The following B3GALT1 variants were observed in gnomAD, a reference collection of about 807,000 sequenced individuals.
B3GALT1 encodes the protein beta-1,3-galactosyltransferase 1.
Under a neutral mutation model 23.2 loss-of-function variants are expected in B3GALT1, and 10 were observed. That is an observed-to-expected ratio of 0.43 (90% CI 0.27 to 0.73). The LOEUF (loss-of-function observed/expected upper bound fraction) is 0.73. B3GALT1 is among the 30% of genes least tolerant of loss of function. B3GALT1 has a pLI of 0.21. For synonymous variants in B3GALT1, 156 were observed against 141.5 expected, an observed-to-expected ratio of 1.10 and a Z score of -0.73; for missense variants, 299 against 405.4, an observed-to-expected ratio of 0.74 and a Z score of 2.25.
intron 4 of B3GALT1, among the ~76,000 whole-genome samples, chr2:167,845,298 A>G (rs1467113608): frequency 6.6e-6 from 1 of 152,170 alleles, no homozygotes; most frequent in Non-Finnish European, 1.5e-5. Context: ...GCACAAAAAC[A>G]AAGCATTAAA....
At chr2:167,462,963 G>C (rs763635035) in intron 1 of B3GALT1, among the ~76,000 whole-genome samples, 2 of 152,064 alleles carry the variant, frequency 1.3e-5, no homozygotes, top group Non-Finnish European at 2.9e-5. Context: ...CTTTTCCTCA[G>C]AGTTTTTGAG....
chr2:167,312,609 T>C (rs192698084), intron 1 of B3GALT1, among the ~76,000 whole-genome samples: 2 of 152,220 alleles, frequency 1.3e-5, no homozygotes, highest in African/African-American at 4.8e-5. Flanking sequence ...ATTTTGATAA[T>C]GACATAAAAT....
chr2:167,449,150 G>C (rs1699049535), intron 1 of B3GALT1, among the ~76,000 whole-genome samples: 1 of 152,100 alleles, frequency 6.6e-6, no homozygotes, highest in African/African-American at 2.4e-5. Context: ...ATGGCATTTT[G>C]ATGGGAATTG....
At chr2:167,526,582 A>T (rs1683223526) in intron 2 of B3GALT1, among the ~76,000 whole-genome samples, 1 of 152,208 alleles carries the variant, frequency 6.6e-6, no homozygotes, top group Admixed American at 6.5e-5. Flanking sequence ...GTGTAGTGTT[A>T]TGTCATTGTG....
At position 167,690,690 on chromosome 2, in the gene B3GALT1, G is replaced by A. The variant is rs76863622; in HGVS notation, c.-352+43724G>A. On this transcript the variant is annotated intron_variant, in intron 3 of 4. Coordinates refer to ENST00000392690, the MANE Select transcript of B3GALT1 (RefSeq NM_020981.4). ...ACAAGAGCTGAAATAGTTTTATTGA[G>A]TGAAAGCTGCAATTGTGTTTCAAAG... Among the ~76,000 whole-genome samples, 1,511 of 152,206 alleles carry A rather than the reference G, an allele frequency of 9.9e-3. 28 individuals carry two copies. Among genetic ancestry groups the A allele is most frequent in the African/African-American group, 0.035 (1,444 of 41,552 alleles).
rs74752369 is a variant in B3GALT1, at chr2:167,723,895, T to C, written c.-352+76929T>C. The stretch of plus-strand genomic sequence containing the variant: ...ATCTCATTAGCCTAGTTTGCTGAGA[T>C]TGGCCTATAGTCATAAGTCTTTTTG... On this transcript the variant is annotated intron_variant, in intron 3 of 4. Coordinates refer to ENST00000392690, the MANE Select transcript of B3GALT1 (RefSeq NM_020981.4). 2.6e-3 allele frequency among the ~76,000 whole-genome samples: 397 copies of C among 152,318 alleles called. 3 individuals are homozygous for C. The highest frequency in any genetic ancestry group is 9.2e-3 in the African/African-American group (383 of 41,560).
intron 3 of B3GALT1, among the ~76,000 whole-genome samples, chr2:167,672,275 G>A (rs567738257): frequency 6.6e-6 from 1 of 152,162 alleles, no homozygotes; most frequent in Admixed American, 6.5e-5. Context: ...CATGGTGCCA[G>A]CTGCATACCA....
intron 3 of B3GALT1, chr2:167,715,423 T>A (rs1687127053): frequency 6.2e-7 from 1 of 1,610,746 alleles, no homozygotes; most frequent in African/African-American, 1.3e-5. Flanking sequence ...GTTGAGAATT[T>A]TCACTCAAAG....
chr2:167,791,606 C>T (rs1688438995), intron 3 of B3GALT1, among the ~76,000 whole-genome samples: 1 of 151,268 alleles, frequency 6.6e-6, no homozygotes, highest in Admixed American at 6.6e-5. Flanking sequence ...TTGATCAGAC[C>T]TTTAACTAAT....
chr2:167,653,281 T>G (rs945525476), intron 3 of B3GALT1, among the ~76,000 whole-genome samples: 8 of 152,170 alleles, frequency 5.3e-5, no homozygotes, highest in African/African-American at 1.9e-4. Context: ...AGCTACCCAA[T>G]TGTGGTCAAT....
chr2:167,751,499 T>C (rs1159396740), intron 3 of B3GALT1, among the ~76,000 whole-genome samples: 1 of 152,168 alleles, frequency 6.6e-6, no homozygotes, highest in Non-Finnish European at 1.5e-5. Context: ...TTTTTGCCAA[T>C]ATGTCCATTC....
At chr2:167,531,664 C>T (rs537442391) in intron 2 of B3GALT1, among the ~76,000 whole-genome samples, 1 of 152,210 alleles carries the variant, frequency 6.6e-6, no homozygotes, top group South Asian at 2.1e-4. Flanking sequence ...ATTATTTCTG[C>T]ACTTTATTTC....
intron 2 of B3GALT1, among the ~76,000 whole-genome samples, chr2:167,628,756 C>T (rs776706745): frequency 3.0e-4 from 46 of 151,544 alleles, no homozygotes; most frequent in Non-Finnish European, 5.3e-4. Flanking sequence ...TATGGGACTT[C>T]GGGAGCAAGC....
chr2:167,757,080 G>A (rs1354514139), intron 3 of B3GALT1, among the ~76,000 whole-genome samples: 2 of 152,002 alleles, frequency 1.3e-5, no homozygotes, highest in African/African-American at 2.4e-5. Context: ...TCTATTATAC[G>A]GGACTAATAA....
chr2:167,438,033 T>C (rs535948137), intron 1 of B3GALT1, among the ~76,000 whole-genome samples: 1 of 152,328 alleles, frequency 6.6e-6, no homozygotes, highest in Admixed American at 6.5e-5. Context: ...TAGTAAACAA[T>C]TTCTATCATG....
Position 167,871,097 on chromosome 2 carries a change from T to C in B3GALT1, c.*1077T>C, listed in dbSNP as rs1690337653. On this transcript the variant is annotated 3_prime_UTR_variant, in exon 5 of 5. Transcript: ENST00000392690. ...CAGAGCATGTTCAGCAGCAATGCTG[T>C]TATGAGGTATTCTGGGGGCTCTGTG... 6.6e-6 allele frequency: 1 copy of C among 152,218 alleles called. No individual in the cohort carries two copies. Among genetic ancestry groups the C allele is most frequent in the Non-Finnish European group, 1.5e-5 (1 of 68,022 alleles). The allele number at this position is 152,218 out of a possible 1,614,324, so 9.4% of individuals were successfully genotyped here. A position where few individuals can be genotyped will look rare whatever the true frequency, so the allele number is the denominator to read the frequency against.
chr2:167,457,151 A>C (rs1699184770), intron 1 of B3GALT1, among the ~76,000 whole-genome samples: 1 of 151,978 alleles, frequency 6.6e-6, no homozygotes, highest in African/African-American at 2.4e-5. Flanking sequence ...CTTGTTTATC[A>C]CAGTCAGTTT....
At chr2:167,384,333 T>G (rs1574057544) in intron 1 of B3GALT1, among the ~76,000 whole-genome samples, 1 of 152,264 alleles carries the variant, frequency 6.6e-6, no homozygotes, top group East Asian at 1.9e-4. Context: ...CAGATAAACC[T>G]TGTTTACTGA....
chr2:167,607,211 G>C (rs1047402377), intron 2 of B3GALT1, among the ~76,000 whole-genome samples: 2 of 152,178 alleles, frequency 1.3e-5, no homozygotes, highest in Non-Finnish European at 2.9e-5. Context: ...AAAAAGAAGA[G>C]AAAGCCAGGA....
Sources: gnomAD v4.1 joint callset for allele counts (sites outside exome capture counted in the v4.1 genomes callset) on GRCh38, gnomAD v4.1.1 for gene constraint, MANE v1.5 for transcripts, NCBI Gene and HGNC (gene_info 2026-07-23, HGNC 2026-07-21) for gene names.